Variants in ENTREP2 observed in about 807,000 individuals in gnomAD.
ENTREP2 encodes endosomal transmembrane epsin interactor 2, also known as protein ENTREP2.
chr15:29,620,619 C>G, the ENTREP2 span, among the ~76,000 whole-genome samples: 1 of 151,998 alleles, frequency 6.6e-6, no homozygotes, highest in Admixed American at 6.6e-5. Context: ...GCCTGGGCGA[C>G]AGAGTGAGAC....
the ENTREP2 span, chr15:29,269,599 G>C: frequency 7.1e-6 from 11 of 1,556,224 alleles, no homozygotes; most frequent in South Asian, 1.3e-4. Context: ...GAGAACCCGG[G>C]CGTCTTCCCC....
At chr15:29,188,501 CAT>C in the ENTREP2 span, among the ~76,000 whole-genome samples, 1 of 152,144 alleles carries the variant, frequency 6.6e-6, no homozygotes, top group Non-Finnish European at 1.5e-5. Flanking sequence ...TGAGTAAGAA[CAT>C]ATGGTGTTGG....
chr15:29,389,008 A>C, the ENTREP2 span, among the ~76,000 whole-genome samples: 1 of 151,872 alleles, frequency 6.6e-6, no homozygotes, highest in Non-Finnish European at 1.5e-5. Flanking sequence ...AGATATACCT[A>C]ATGTAAATGA....
the ENTREP2 span, chr15:29,123,164 G>A: frequency 4.7e-6 from 3 of 637,340 alleles, no homozygotes; most frequent in Non-Finnish European, 7.8e-6. Flanking sequence ...GGCTCCCCTC[G>A]AGAGAGGGGG....
chr15:29,514,708 T>A, the ENTREP2 span, among the ~76,000 whole-genome samples: 2 of 152,178 alleles, frequency 1.3e-5, no homozygotes, highest in Admixed American at 6.5e-5. Flanking sequence ...CACACCTGCA[T>A]TTTCAGAACA....
chr15:29,489,344 TAAACCATATG>T, the ENTREP2 span, among the ~76,000 whole-genome samples: 1 of 152,132 alleles, frequency 6.6e-6, no homozygotes, highest in Non-Finnish European at 1.5e-5. Flanking sequence ...TAATATAGAC[TAAACCATATG>T]GAACCATGAA....
At chr15:29,123,714 A>C in the ENTREP2 span, 1 of 1,470,960 alleles carries the variant, frequency 6.8e-7, no homozygotes. Context: ...GTTAACTCAA[A>C]AGCAAAGAAA....
the ENTREP2 span, among the ~76,000 whole-genome samples, chr15:29,194,645 C>G: frequency 6.6e-6 from 1 of 152,138 alleles, no homozygotes; most frequent in Non-Finnish European, 1.5e-5. Flanking sequence ...ACCAATGTAC[C>G]AGAACAGTGA....
the ENTREP2 span, among the ~76,000 whole-genome samples, chr15:29,530,190 A>G: frequency 2.0e-5 from 3 of 152,202 alleles, no homozygotes; most frequent in African/African-American, 7.2e-5. Context: ...TTTAGTATCC[A>G]CCTGCAGCTG....
At chr15:29,172,973 G>A in the ENTREP2 span, among the ~76,000 whole-genome samples, 4,547 of 152,198 alleles carry the variant, frequency 0.03, 232 homozygotes, top group African/African-American at 0.1. Context: ...AAATCTCCGC[G>A]CCTTCCCCCG....
chr15:29,672,538 C>T, the ENTREP2 span, among the ~76,000 whole-genome samples: 38,989 of 151,850 alleles, frequency 0.26, 7,419 homozygotes, highest in African/African-American at 0.54. Context: ...AACCAGGGAG[C>T]TTCTGGCTGC....
chr15:29,552,264 T>G, the ENTREP2 span, among the ~76,000 whole-genome samples: 1 of 152,186 alleles, frequency 6.6e-6, no homozygotes, highest in East Asian at 1.9e-4. Context: ...TGATAATTTT[T>G]TCATTTTTCA....
the ENTREP2 span, among the ~76,000 whole-genome samples, chr15:29,444,441 G>A: frequency 6.6e-6 from 1 of 151,754 alleles, no homozygotes; most frequent in Admixed American, 6.6e-5. Context: ...AGTGAGTCTG[G>A]GGTCCACAGC....
At chr15:29,630,359 A>G in the ENTREP2 span, among the ~76,000 whole-genome samples, 20 of 152,008 alleles carry the variant, frequency 1.3e-4, no homozygotes, top group Admixed American at 1.3e-3. Context: ...TTCCCCTGTA[A>G]CTAATTCATC....
chr15:29,123,222 C>A, the ENTREP2 span: 2 of 1,129,094 alleles, frequency 1.8e-6, no homozygotes, highest in Non-Finnish European at 2.5e-6. Context: ...GGGTGTCCCC[C>A]CCACATTTAT....
the ENTREP2 span, among the ~76,000 whole-genome samples, chr15:29,346,464 G>C: frequency 6.7e-6 from 1 of 148,682 alleles, no homozygotes; most frequent in Non-Finnish European, 1.5e-5. Flanking sequence ...CAGTAGAAGA[G>C]AAGGGACCCA....
the ENTREP2 span, among the ~76,000 whole-genome samples, chr15:29,428,213 C>A: frequency 6.6e-6 from 1 of 152,170 alleles, no homozygotes; most frequent in East Asian, 1.9e-4. Flanking sequence ...AAAAAACATA[C>A]TTCCATGTTT....
At chr15:29,569,100 T>C in the ENTREP2 span, among the ~76,000 whole-genome samples, 1 of 152,126 alleles carries the variant, frequency 6.6e-6, no homozygotes, top group Non-Finnish European at 1.5e-5. Context: ...AACTGAGCAA[T>C]AGATGTGTGA....
chr15:29,637,333 G>T, the ENTREP2 span, among the ~76,000 whole-genome samples: 1 of 152,198 alleles, frequency 6.6e-6, no homozygotes, highest in East Asian at 1.9e-4. Flanking sequence ...ACATCATAAA[G>T]GTAAAGATGA....
Sources: gnomAD v4.1 joint callset for allele counts (sites outside exome capture counted in the v4.1 genomes callset) on GRCh38, gnomAD v4.1.1 for gene constraint, MANE v1.5 for transcripts, NCBI Gene and HGNC (gene_info 2026-07-23, HGNC 2026-07-21) for gene names.